GALNT13: variants seen among roughly 807,000 people sequenced by gnomAD.
GALNT13 encodes the protein polypeptide N-acetylgalactosaminyltransferase 13, also known as UDP-GalNAc:polypeptide N-acetylgalactosaminyltransferase 13.
A neutral mutation model predicts 64.2 loss-of-function variants in GALNT13; 28 were observed. The observed-to-expected ratio is 0.44, with a 90% CI of 0.32 to 0.60. The LOEUF is 0.60. Ranked by LOEUF, GALNT13 falls within the 20% of genes least tolerant of loss-of-function variation. GALNT13 has a pLI of 0.05. For synonymous variants in GALNT13, 214 were observed against 224.6 expected (o/e 0.95, Z 0.42); for missense variants, 577 against 669.8 (o/e 0.86, Z 1.53).
At chr2:154,088,048 T>G (rs1701620270) in intron 3 of GALNT13, among the ~76,000 whole-genome samples, 1 of 152,104 alleles carries the variant, frequency 6.6e-6, no homozygotes, top group South Asian at 2.1e-4. Context: ...AGATACTAAT[T>G]AACTATTTCT....
chr2:153,078,272 A>G, the GALNT13 span, among the ~76,000 whole-genome samples: 1 of 148,728 alleles, frequency 6.7e-6, no homozygotes, highest in South Asian at 2.1e-4. Flanking sequence ...CAGTTGTGTA[A>G]TTATATCATC....
the GALNT13 span, among the ~76,000 whole-genome samples, chr2:153,407,471 C>G: frequency 6.6e-6 from 1 of 152,168 alleles, no homozygotes; most frequent in Non-Finnish European, 1.5e-5. Flanking sequence ...CATTAGACAT[C>G]TCAGGTGATC....
chr2:153,102,784 AC>A, the GALNT13 span, among the ~76,000 whole-genome samples: 7 of 152,122 alleles, frequency 4.6e-5, no homozygotes, highest in Non-Finnish European at 1.0e-4. Flanking sequence ...CAAATAGTAT[AC>A]TAAAACCACT....
the GALNT13 span, among the ~76,000 whole-genome samples, chr2:153,332,736 C>A: frequency 6.6e-6 from 1 of 152,004 alleles, no homozygotes; most frequent in Non-Finnish European, 1.5e-5. Flanking sequence ...CTTTGTTGCA[C>A]AATGATCTAT....
chr2:154,285,069 G>T (rs755064659), intron 8 of GALNT13, among the ~76,000 whole-genome samples: 9 of 151,866 alleles, frequency 5.9e-5, no homozygotes, highest in Non-Finnish European at 1.0e-4. Context: ...TTGAAATTGG[G>T]TTATTAATAT....
the GALNT13 span, among the ~76,000 whole-genome samples, chr2:153,110,539 C>G: frequency 4.4e-3 from 671 of 152,136 alleles, 14 homozygotes; most frequent in Admixed American, 0.016. Flanking sequence ...AAAGGAAAGG[C>G]CTTTGGACTT....
the GALNT13 span, among the ~76,000 whole-genome samples, chr2:153,655,762 A>G: frequency 0.18 from 26,696 of 152,114 alleles, 2,896 homozygotes; most frequent in Non-Finnish European, 0.24. Context: ...TATTTCATAT[A>G]AGAAAAAATC....
intron 6 of GALNT13, among the ~76,000 whole-genome samples, chr2:154,244,587 T>C (rs1246241185): frequency 6.6e-6 from 1 of 152,188 alleles, no homozygotes; most frequent in African/African-American, 2.4e-5. Flanking sequence ...TTCTACCAAA[T>C]ATGAAAAACC....
At chr2:153,241,926 C>T in the GALNT13 span, among the ~76,000 whole-genome samples, 1 of 152,006 alleles carries the variant, frequency 6.6e-6, no homozygotes, top group East Asian at 1.9e-4. Flanking sequence ...ATGAACTTTG[C>T]TGTGGGTGCC....
chr2:154,026,555 A>G (rs144349526), intron 3 of GALNT13, among the ~76,000 whole-genome samples: 114 of 152,318 alleles, frequency 7.5e-4, no homozygotes, highest in African/African-American at 2.6e-3. Flanking sequence ...CAGCATGGGC[A>G]GGTTCTGGTC....
the GALNT13 span, among the ~76,000 whole-genome samples, chr2:153,163,891 G>A: frequency 6.6e-5 from 10 of 151,926 alleles, no homozygotes; most frequent in Admixed American, 2.6e-4. Context: ...GGTGGCGGGC[G>A]CCTGTAGTCC....
the GALNT13 span, chr2:153,478,103 C>A: frequency 2.4e-4 from 153 of 643,442 alleles, no homozygotes; most frequent in Non-Finnish European, 2.3e-4. Context: ...TCGCTTCTTT[C>A]CGAAAGGCCG....
intron 9 of GALNT13, among the ~76,000 whole-genome samples, chr2:154,395,359 A>G (rs986683677): frequency 1.3e-5 from 2 of 152,038 alleles, no homozygotes; most frequent in African/African-American, 2.4e-5. Flanking sequence ...AAAATTAATC[A>G]TTTTTCATAT....
chr2:153,874,889 GA>G (rs1368725904), intron 1 of GALNT13, among the ~76,000 whole-genome samples: 2 of 152,126 alleles, frequency 1.3e-5, no homozygotes, highest in African/African-American at 4.8e-5. Context: ...AATGAGTTTA[GA>G]GGGGCCCTGA....
At chr2:153,688,283 A>C in the GALNT13 span, among the ~76,000 whole-genome samples, 10 of 151,976 alleles carry the variant, frequency 6.6e-5, no homozygotes, top group Admixed American at 6.6e-4. Flanking sequence ...TTACAGAAAA[A>C]GTTTGCAAAT....
At chr2:154,305,330 A>G (rs1407535873) in intron 9 of GALNT13, among the ~76,000 whole-genome samples, 2 of 152,122 alleles carry the variant, frequency 1.3e-5, no homozygotes, top group African/African-American at 4.8e-5. Flanking sequence ...GGTGGGAGCT[A>G]CATGCATTCA....
At chr2:153,303,360 G>A in the GALNT13 span, among the ~76,000 whole-genome samples, 1 of 152,084 alleles carries the variant, frequency 6.6e-6, no homozygotes, top group Admixed American at 6.6e-5. Flanking sequence ...TTCATTGTTA[G>A]TGTAGAGAAA....
At chr2:153,372,025 G>A in the GALNT13 span, among the ~76,000 whole-genome samples, 12 of 152,214 alleles carry the variant, frequency 7.9e-5, no homozygotes, top group African/African-American at 2.9e-4. Flanking sequence ...TCTCTTGTGA[G>A]GGACCAGTAT....
At chr2:153,520,746 A>G in the GALNT13 span, among the ~76,000 whole-genome samples, 1 of 152,174 alleles carries the variant, frequency 6.6e-6, no homozygotes, top group East Asian at 1.9e-4. Flanking sequence ...ATTATTCCCA[A>G]AGTGATTTTA....
Sources: gnomAD v4.1 joint callset for allele counts (sites outside exome capture counted in the v4.1 genomes callset) on GRCh38, gnomAD v4.1.1 for gene constraint, MANE v1.5 for transcripts, NCBI Gene and HGNC (gene_info 2026-07-23, HGNC 2026-07-21) for gene names.